PTPN5: variants seen among roughly 807,000 people sequenced by gnomAD.
PTPN5 encodes protein tyrosine phosphatase non-receptor type 5.
Under a neutral mutation model 73.9 loss-of-function variants are expected in PTPN5, and 29 were observed. The ratio of observed to expected loss-of-function variants is 0.39; its 90% CI spans 0.29 to 0.54. The LOEUF is 0.54. Among genes scored for constraint, PTPN5 ranks in the 20% least tolerant of loss-of-function variants. The pLI is 0.65. For synonymous variants in PTPN5, 267 were observed against 304.7 expected, an observed-to-expected ratio of 0.88 and a Z score of 1.29; for missense variants, 652 against 751.4, an observed-to-expected ratio of 0.87 and a Z score of 1.55.
intron 9 of PTPN5, among the ~76,000 whole-genome samples, chr11:18,735,991 G>A (rs1348739063): frequency 6.6e-6 from 1 of 152,280 alleles, no homozygotes; most frequent in Admixed American, 6.5e-5. Context: ...AGCCTGGCAC[G>A]GCTCCAGGGG....
intron 2 of PTPN5, among the ~76,000 whole-genome samples, chr11:18,770,048 G>C (rs542612453): frequency 6.6e-6 from 1 of 151,594 alleles, no homozygotes; most frequent in South Asian, 2.1e-4. Flanking sequence ...AACACGAAGT[G>C]GGGGAGCAGC....
chr11:18,778,359 G>A (rs1427302144), intron 1 of PTPN5, among the ~76,000 whole-genome samples: 2 of 152,134 alleles, frequency 1.3e-5, no homozygotes, highest in Admixed American at 6.5e-5. Flanking sequence ...CTGGCCTTCT[G>A]CTCTGATGGG....
intron 8 of PTPN5, 138 bp from the exon 9 acceptor site, chr11:18,738,102 G>A: frequency 1.4e-6 from 1 of 702,268 alleles, no homozygotes. Context: ...TTACTATTAA[G>A]AGAGTTAGTG....
intron 3 of PTPN5, chr11:18,749,503 T>C: frequency 3.9e-6 from 2 of 518,654 alleles, no homozygotes; most frequent in Non-Finnish European, 7.7e-6. Flanking sequence ...GGCAGAACCT[T>C]GAACCTTAAT....
chr11:18,730,205 C>CCTCGCCTGCGCCTGCGTGA, intron 12 of PTPN5: 1 of 412,466 alleles, frequency 2.4e-6, no homozygotes, highest in Non-Finnish European at 4.3e-6. Flanking sequence ...TCTTGCTGTG[C>CCTCGCCTGCGCCTGCGTGA]CTCGCCTGCG....
chr11:18,756,270 C>T (rs1317372685), intron 3 of PTPN5, among the ~76,000 whole-genome samples: 4 of 147,932 alleles, frequency 2.7e-5, no homozygotes, highest in Non-Finnish European at 4.5e-5. Context: ...GCTGATAACT[C>T]TTCTTGGTCC....
chr11:18,757,179 A>G lies in PTPN5; in HGVS notation c.97+8628T>C, dbSNP rs183206365. 7.2e-5 allele frequency among the ~76,000 whole-genome samples: 11 copies of G among 152,344 alleles called. No homozygotes were observed. The East Asian group carries it at 2.1e-3, about 29-fold the overall frequency. On this transcript the variant is annotated intron_variant, in intron 3 of 14. Coordinates refer to ENST00000358540, the MANE Select transcript of PTPN5 (RefSeq NM_006906.2). ...CTGTGAATAAGACTTTATGGTTTACAAATCCCCATTCCCATCCATTGTCTC... is the reference window on the plus strand; with the variant it reads ...CTGTGAATAAGACTTTATGGTTTACGAATCCCCATTCCCATCCATTGTCTC...
At chr11:18,782,360 T>C (rs896187991) in intron 1 of PTPN5, among the ~76,000 whole-genome samples, 1 of 152,094 alleles carries the variant, frequency 6.6e-6, no homozygotes, top group Non-Finnish European at 1.5e-5. Context: ...CCCGAGTAGC[T>C]GGGACTACAG....
intron 1 of PTPN5, among the ~76,000 whole-genome samples, chr11:18,774,600 C>A (rs570096371): frequency 6.6e-6 from 1 of 152,228 alleles, no homozygotes; most frequent in Non-Finnish European, 1.5e-5. Context: ...AAAACACACA[C>A]AGATTCTTTG....
At chr11:18,762,087 G>T (rs1477586755) in intron 3 of PTPN5, among the ~76,000 whole-genome samples, 5 of 152,204 alleles carry the variant, frequency 3.3e-5, no homozygotes, top group Non-Finnish European at 2.9e-5. Context: ...ATTGGGGGGA[G>T]CTCCCAGGGA....
At chr11:18,732,739 T>A in intron 11 of PTPN5, 37 bp from the exon 12 acceptor site, 1 of 1,545,210 alleles carries the variant, frequency 6.5e-7, no homozygotes, top group South Asian at 1.1e-5. Flanking sequence ...TACAATCCTG[T>A]TCCCTTCCCA....
rs989772354 is a variant in PTPN5 at position 18,728,527 on chromosome 11, C to G, written c.*407G>C. ...TGCTTAGGGGCTGGAGCTCATTACC[C>G]CTTCCTGGCTGAGGAGACACAGTGT... On this transcript the variant is annotated 3_prime_UTR_variant, in exon 15 of 15. Transcript: ENST00000358540. This position sits in a 1 kb window ranked among gnomAD's most constrained non-coding sequence, Gnocchi z 4.1. 6.3e-6 allele frequency: 1 copy of G among 159,764 alleles called. No homozygotes were observed. Among genetic ancestry groups the G allele is most frequent in the Non-Finnish European group, 1.4e-5 (1 of 73,032 alleles). 9.9% of individuals were successfully genotyped at this position (159,764 alleles called of 1,614,324 possible). A position where few individuals can be genotyped will look rare whatever the true frequency, so the allele number is the denominator to read the frequency against.
chr11:18,729,765 G>A lies in PTPN5; in HGVS notation c.1383C>T (p.Asp461=). The A allele has an allele frequency of 6.2e-7, 1 of 1,612,022 alleles. No homozygotes were observed. The highest frequency in any genetic ancestry group is 1.3e-5 in the African/African-American group (1 of 75,002). ...LKHYWFTSWP[D]QKTPDRAPPL... ...GGGGGGCCCGGTCTGGGGTCTTCTGGTCGGGCCAGGATGTGAACCAGTAAT... is the reference window on the plus strand; with the variant it reads ...GGGGGGCCCGGTCTGGGGTCTTCTGATCGGGCCAGGATGTGAACCAGTAAT... The change falls in exon 13 of 15, where the codon GAC becomes GAT. Residue 461 remains aspartate (D), a synonymous_variant. Transcript: ENST00000358540. The surrounding 1 kb of genome is among the most constrained non-coding windows in gnomAD (Gnocchi z 5.2).
intron 3 of PTPN5, among the ~76,000 whole-genome samples, chr11:18,744,531 T>A (rs1849529099): frequency 6.7e-6 from 1 of 149,886 alleles, no homozygotes; most frequent in Non-Finnish European, 1.5e-5. Context: ...TCAAACTCAA[T>A]TAAAAAAGAA....
chr11:18,763,514 A>C (rs1239743551), intron 3 of PTPN5, among the ~76,000 whole-genome samples: 1 of 152,196 alleles, frequency 6.6e-6, no homozygotes. Flanking sequence ...AAACTCTTCT[A>C]TTCTACACTG....
intron 3 of PTPN5, among the ~76,000 whole-genome samples, chr11:18,746,162 A>ATATAT (rs1849612886): frequency 1.5e-5 from 1 of 67,638 alleles, no homozygotes; most frequent in African/African-American, 4.4e-5. Context: ...TATAAATATA[A>ATATAT]ATATATATAT....
chr11:18,746,241 G>C (rs1849632765), intron 3 of PTPN5, among the ~76,000 whole-genome samples: 1 of 138,072 alleles, frequency 7.2e-6, no homozygotes, highest in African/African-American at 2.6e-5. Context: ...ACCCAGGCTG[G>C]AGTGCAGTGG....
chr11:18,740,545 A>G, intron 8 of PTPN5, 58 bp downstream of exon 8: 1 of 1,353,960 alleles, frequency 7.4e-7, no homozygotes, highest in Non-Finnish European at 9.6e-7. Context: ...CCACCTGGGC[A>G]GGTGGATGAT....
chr11:18,728,789 G>A lies in PTPN5; in HGVS notation c.*145C>T. On this transcript the variant is annotated 3_prime_UTR_variant, in exon 15 of 15. Coordinates refer to ENST00000358540, the MANE Select transcript of PTPN5 (RefSeq NM_006906.2). The surrounding 1 kb of genome is among the most constrained non-coding windows in gnomAD (Gnocchi z 4.1). ...TAGGAAGAGCAATGCTGGAGGGTAG[G>A]GGTCAGGCCAGGCTGACAGAGGACA... is the stretch of plus-strand genomic sequence containing the variant. The A allele has an allele frequency of 1.5e-6, 1 of 683,818 alleles. No individual in the cohort carries two copies. Among genetic ancestry groups the A allele is most frequent in the Non-Finnish European group, 2.4e-6 (1 of 411,464 alleles). The allele number at this position is 683,818 out of a possible 1,614,324, so 42.4% of individuals were successfully genotyped here.
Sources: gnomAD v4.1 joint callset for allele counts (sites outside exome capture counted in the v4.1 genomes callset) on GRCh38, gnomAD v4.1.1 for gene constraint, Gnocchi (gnomAD v3.1) non-coding constraint, MANE v1.5 for transcripts, NCBI Gene and HGNC (gene_info 2026-07-23, HGNC 2026-07-21) for gene names.